Variants in KIAA0319L observed in about 807,000 individuals in gnomAD.
The protein encoded by KIAA0319L is KIAA0319 like.
KIAA0319L carries 55 observed loss-of-function variants against 120.1 expected under a neutral mutation model. That is an observed-to-expected ratio of 0.46 (90% CI 0.37 to 0.57). The LOEUF is 0.57. KIAA0319L is among the 20% of genes least tolerant of loss of function. KIAA0319L has a pLI of 0.00. For missense variants in KIAA0319L, 1,049 were observed against 1,255.3 expected, an observed-to-expected ratio of 0.84 and a Z score of 2.48; for synonymous variants, 398 against 471.9, an observed-to-expected ratio of 0.84 and a Z score of 2.03.
intron 7 of KIAA0319L, among the ~76,000 whole-genome samples, chr1:35,463,007 T>C (rs562701270): frequency 6.6e-6 from 1 of 152,138 alleles, no homozygotes; most frequent in African/African-American, 2.4e-5. Flanking sequence ...ACAATAAGGT[T>C]CATCCTCCTG....
chr1:35,454,270 AC>A (rs1642276188), intron 11 of KIAA0319L, 91 bp downstream of exon 11: 2 of 1,374,338 alleles, frequency 1.5e-6, no homozygotes, highest in Admixed American at 3.7e-5. Context: ...TTCTGCTTCT[AC>A]CCTCATACAG....
intron 2 of KIAA0319L, among the ~76,000 whole-genome samples, chr1:35,544,797 G>T (rs1358915221): frequency 6.6e-6 from 1 of 152,186 alleles, no homozygotes; most frequent in Admixed American, 6.5e-5. Flanking sequence ...TCACCGTCCT[G>T]CCGTAAACAA....
intron 18 of KIAA0319L, among the ~76,000 whole-genome samples, chr1:35,442,680 T>C (rs540553939): frequency 4.2e-4 from 64 of 152,338 alleles, no homozygotes; most frequent in Non-Finnish European, 7.4e-4. Context: ...GTAACTGGCA[T>C]TGGATCTGAG....
intron 20 of KIAA0319L, chr1:35,435,360 A>C (rs1640700649): frequency 2.9e-6 from 1 of 346,648 alleles, no homozygotes; most frequent in African/African-American, 2.1e-5. Context: ...GGTTCAGGCC[A>C]CTCAGTGACA....
Position 35,434,630 on chromosome 1 carries a change from A to C in KIAA0319L, c.*264T>G. ...GCTGGGTCTGCCCTCGGGGGAGGGG[A>C]GGAGTTTGCAAAAAAAGGAGGCCCT... On this transcript the variant is annotated 3_prime_UTR_variant, in exon 21 of 21. Coordinates refer to ENST00000325722, the MANE Select transcript of KIAA0319L (RefSeq NM_024874.5). 1.2e-5 allele frequency: 5 copies of C among 434,308 alleles called. No individual in the cohort carries two copies. Among genetic ancestry groups the C allele is most frequent in the East Asian group, 4.2e-5 (1 of 23,546 alleles). The allele number at this position is 434,308 out of a possible 1,614,324, so 26.9% of individuals were successfully genotyped here.
intron 4 of KIAA0319L, 135 bp from the exon 5 acceptor site, chr1:35,475,041 C>A: frequency 3.5e-6 from 2 of 572,594 alleles, no homozygotes; most frequent in Admixed American, 7.1e-5. Context: ...TTTCTACTCT[C>A]TAATTGCTTG....
intron 4 of KIAA0319L, among the ~76,000 whole-genome samples, chr1:35,478,190 A>T (rs1643987807): frequency 1.3e-5 from 2 of 152,068 alleles, no homozygotes; most frequent in African/African-American, 4.8e-5. Context: ...GGAATCTAAA[A>T]ATCAAAACAA....
chr1:35,506,896 G>A lies in KIAA0319L; in HGVS notation c.382C>T (p.Leu128=). Residue 128 remains leucine (L), a synonymous_variant, in exon 3 of 21, where the codon CTG becomes TTG. Coordinates refer to ENST00000325722, the MANE Select transcript of KIAA0319L (RefSeq NM_024874.5). The surrounding 1 kb of genome is among the most constrained non-coding windows in gnomAD (Gnocchi z 4.0). The stretch of plus-strand genomic sequence containing the variant: ...GTTTGGAATTTTTTTAAAAACACCA[G>A]CATGGAATTGGAGGAGTGTGTCCTA... ...AFRTHSSNSM[L]VFLKKFQTAD... 6.2e-7 allele frequency: 1 copy of A among 1,614,182 alleles called. No individual in the cohort carries two copies. Among genetic ancestry groups the A allele is most frequent in the South Asian group, 1.1e-5 (1 of 91,082 alleles).
At chr1:35,459,676 G>T (rs991115524) in intron 9 of KIAA0319L, among the ~76,000 whole-genome samples, 1 of 151,808 alleles carries the variant, frequency 6.6e-6, no homozygotes, top group Non-Finnish European at 1.5e-5. Flanking sequence ...GCTGTCAAAT[G>T]AAGATAGTAT....
At chr1:35,435,982 C>T (rs1477259374) in intron 20 of KIAA0319L, among the ~76,000 whole-genome samples, 1 of 152,128 alleles carries the variant, frequency 6.6e-6, no homozygotes, top group Non-Finnish European at 1.5e-5. Context: ...TGGGAATGCC[C>T]ACGCCCAGGA....
At position 35,470,919 on chromosome 1, in the gene KIAA0319L, T is replaced by C; in HGVS notation, c.1057A>G (p.Arg353Gly). The C allele has an allele frequency of 6.2e-7, 1 of 1,613,308 alleles. No homozygotes were observed. Residue 353 changes from arginine (R) to glycine (G), a missense_variant, in exon 6 of 21, where the codon AGA (arginine) becomes GGA (glycine). Transcript: ENST00000325722. ...TYDWQLITHP[R>G]DYSGEMEGKH... The stretch of plus-strand genomic sequence containing the variant: ...CCTTCCATTTCTCCACTGTAGTCTC[T>C]AGGATGAGTAATCAGCTGCCAGTCG...
chr1:35,476,439 C>A (rs1252764369), intron 4 of KIAA0319L, among the ~76,000 whole-genome samples: 1 of 152,132 alleles, frequency 6.6e-6, no homozygotes, highest in Non-Finnish European at 1.5e-5. Flanking sequence ...ATATTTCAAG[C>A]CTGGGAGGCG....
In KIAA0319L at chr1:35,454,499, T is replaced by C. The variant is rs1023723195; in HGVS notation, c.1657-14A>G. On this transcript the variant is annotated splice_polypyrimidine_tract_variant and intron_variant, in intron 10 of 20. Transcript: ENST00000325722. Reference sequence around the variant, plus strand: ...TGTTCTAACACCCTACAAATACAAATACAGAAGTGGAAAAGTGGACTCCAG... The same window carrying C: ...TGTTCTAACACCCTACAAATACAAACACAGAAGTGGAAAAGTGGACTCCAG... 24 of 1,611,340 alleles carry C rather than the reference T, an allele frequency of 1.5e-5. No homozygotes were observed. Among genetic ancestry groups the C allele is most frequent in the Non-Finnish European group, 2.0e-5 (23 of 1,178,080 alleles).
chr1:35,488,800 A>G (rs1241348581), intron 3 of KIAA0319L, among the ~76,000 whole-genome samples: 2 of 152,234 alleles, frequency 1.3e-5, no homozygotes, highest in African/African-American at 4.8e-5. Flanking sequence ...TAAAGACTGA[A>G]AAGAATACAC....
intron 2 of KIAA0319L, among the ~76,000 whole-genome samples, chr1:35,543,171 C>T (rs769738894): frequency 9.2e-5 from 14 of 152,144 alleles, no homozygotes; most frequent in Non-Finnish European, 1.9e-4. Flanking sequence ...TCAATTAAAT[C>T]GTGATATAAC....
At chr1:35,448,424 G>A (rs1441411839) in intron 15 of KIAA0319L, 92 bp from the exon 16 acceptor site, 3 of 1,168,644 alleles carry the variant, frequency 2.6e-6, no homozygotes, top group Non-Finnish European at 3.7e-6. Context: ...GGAGAGAAAG[G>A]AGTGAGAACA....
At chr1:35,521,114 G>C (rs1409834295) in intron 2 of KIAA0319L, among the ~76,000 whole-genome samples, 1 of 152,092 alleles carries the variant, frequency 6.6e-6, no homozygotes, top group Non-Finnish European at 1.5e-5. Flanking sequence ...GCTGAGGCGG[G>C]TGGATCATTT....
chr1:35,555,799 GTCA>G (rs1468712305), intron 1 of KIAA0319L, among the ~76,000 whole-genome samples: 13 of 152,236 alleles, frequency 8.5e-5, no homozygotes, highest in Non-Finnish European at 1.5e-4. Flanking sequence ...CTCAACAGCT[GTCA>G]TCAATAGCCT....
chr1:35,500,528 T>C (rs953197545), intron 3 of KIAA0319L, among the ~76,000 whole-genome samples: 4 of 152,240 alleles, frequency 2.6e-5, no homozygotes, highest in Non-Finnish European at 5.9e-5. Flanking sequence ...ATATGTATAT[T>C]TCCAAAAGAG....
Sources: gnomAD v4.1 joint callset for allele counts (sites outside exome capture counted in the v4.1 genomes callset) on GRCh38, gnomAD v4.1.1 for gene constraint, Gnocchi (gnomAD v3.1) non-coding constraint, MANE v1.5 for transcripts, NCBI Gene and HGNC (gene_info 2026-07-23, HGNC 2026-07-21) for gene names.